CTNNA1: variants seen among roughly 807,000 people sequenced by gnomAD.
The protein encoded by CTNNA1 is catenin alpha 1.
CTNNA1 carries 37 observed loss-of-function variants against 98.4 expected under a neutral mutation model. That is an observed-to-expected ratio of 0.38 (90% CI 0.29 to 0.49). CTNNA1 has a LOEUF of 0.49. Among genes scored for constraint, CTNNA1 ranks in the 20% least tolerant of loss-of-function variants. The pLI is 0.95. For synonymous variants in CTNNA1, 404 were observed against 413.2 expected (o/e 0.98, Z 0.27); for missense variants, 761 against 1,147.2 (o/e 0.66, Z 4.86).
At chr5:138,771,638 T>C (rs2149607232) in intron 1 of CTNNA1, among the ~76,000 whole-genome samples, 1 of 152,246 alleles carries the variant, frequency 6.6e-6, no homozygotes, top group African/African-American at 2.4e-5. Flanking sequence ...CCTCCCACCT[T>C]GGCCTCCCAG....
chr5:138,769,025 T>C (rs980188343), intron 1 of CTNNA1, among the ~76,000 whole-genome samples: 7 of 152,094 alleles, frequency 4.6e-5, no homozygotes, highest in African/African-American at 1.7e-4. Flanking sequence ...ACCACAAGTT[T>C]TAGAGGCCAT....
intron 6 of CTNNA1, 102 bp from the exon 7 acceptor site, chr5:138,827,413 A>G (rs551440775): frequency 2.2e-6 from 3 of 1,336,992 alleles, no homozygotes; most frequent in Admixed American, 4.0e-5. Context: ...AGATGTTGGA[A>G]TTTTTGTGTT....
intron 16 of CTNNA1, chr5:138,932,117 A>C (rs769554969): frequency 1.4e-4 from 135 of 987,230 alleles, no homozygotes; most frequent in Non-Finnish European, 1.5e-4. Context: ...TTAATAACGC[A>C]AAGTGCCTCA....
At chr5:138,790,193 C>A (rs543945962) in intron 3 of CTNNA1, among the ~76,000 whole-genome samples, 1 of 152,262 alleles carries the variant, frequency 6.6e-6, no homozygotes, top group African/African-American at 2.4e-5. Context: ...AGAGAATTGG[C>A]CAGTTGTCAT....
rs12188426 is a variant in CTNNA1 at position 138,776,023 on chromosome 5, G to A, written c.-2-5900G>A. ...TTACAGGTGTGAGCCACCATGCCCG[G>A]CCTCTGGAAATGTTTCTTTTTTTTT... is the stretch of plus-strand genomic sequence containing the variant. On this transcript the variant is annotated intron_variant, in intron 1 of 17. Transcript: ENST00000302763. Among the ~76,000 whole-genome samples the A allele has an allele frequency of 9.2e-3, 1,349 of 146,630 alleles. 13 individuals are homozygous for A. Among genetic ancestry groups the A allele is most frequent in the Non-Finnish European group, 0.016 (1,053 of 67,108 alleles).
chr5:138,817,510 A>C (rs1413722911), intron 5 of CTNNA1, among the ~76,000 whole-genome samples: 1 of 152,060 alleles, frequency 6.6e-6, no homozygotes, highest in Non-Finnish European at 1.5e-5. Flanking sequence ...TAGGTTTTCT[A>C]TGCCTTTTCT....
chr5:138,924,377 C>A, intron 11 of CTNNA1, 133 bp from the exon 12 acceptor site: 1 of 770,080 alleles, frequency 1.3e-6, no homozygotes, highest in Non-Finnish European at 2.1e-6. Flanking sequence ...CTGGTCTCTC[C>A]AATGAAGTAT....
intron 7 of CTNNA1, among the ~76,000 whole-genome samples, chr5:138,835,128 T>C (rs1173704436): frequency 1.3e-5 from 2 of 152,080 alleles, no homozygotes; most frequent in African/African-American, 4.8e-5. Flanking sequence ...ATCGCAGTGG[T>C]GGAATGTCAT....
At chr5:138,790,762 T>TTCCCA (rs1668602759) in intron 3 of CTNNA1, among the ~76,000 whole-genome samples, 1 of 152,202 alleles carries the variant, frequency 6.6e-6, no homozygotes, top group Non-Finnish European at 1.5e-5. Context: ...AAGATTATGG[T>TTCCCA]AGTCTGGGAA....
At chr5:138,906,339 C>G (rs1759254600) in intron 10 of CTNNA1, among the ~76,000 whole-genome samples, 1 of 152,094 alleles carries the variant, frequency 6.6e-6, no homozygotes, top group Non-Finnish European at 1.5e-5. Flanking sequence ...CTTGGATGGC[C>G]AAGTTGTATG....
intron 9 of CTNNA1, among the ~76,000 whole-genome samples, chr5:138,895,455 G>C (rs1164597439): frequency 6.6e-6 from 1 of 151,788 alleles, no homozygotes; most frequent in Non-Finnish European, 1.5e-5. Context: ...GGAAAAATTT[G>C]GAGATTTTTT....
chr5:138,827,119 C>A (rs1490630392), intron 6 of CTNNA1, among the ~76,000 whole-genome samples: 2 of 152,152 alleles, frequency 1.3e-5, no homozygotes, highest in Admixed American at 6.5e-5. Context: ...TGCAACAGTT[C>A]TAAATATCAC....
At chr5:138,796,455 A>C (rs1430143521) in intron 3 of CTNNA1, among the ~76,000 whole-genome samples, 2 of 152,166 alleles carry the variant, frequency 1.3e-5, no homozygotes, top group African/African-American at 4.8e-5. Context: ...AAGGCAGGAG[A>C]ATGGCGTGAA....
intron 3 of CTNNA1, among the ~76,000 whole-genome samples, chr5:138,805,210 C>T (rs1215665133): frequency 5.9e-5 from 9 of 152,200 alleles, no homozygotes. Context: ...CCAGGCCCCA[C>T]CTCCAACATT....
At position 138,924,556 on chromosome 5, in the gene CTNNA1, A is replaced by G. The variant is rs200279871; in HGVS notation, c.1593A>G (p.Gln531=). 4.4e-5 allele frequency: 71 copies of G among 1,614,172 alleles called. No individual in the cohort carries two copies. The East Asian group carries it at 5.6e-4, about 13-fold the overall frequency. The change falls in exon 12 of 18, where the codon CAA becomes CAG. Residue 531 remains glutamine (Q), a synonymous_variant. Transcript: ENST00000302763. Reference sequence around the variant, plus strand: ...TGAACAAATGTGTCATTGCTCTCCAAGAGAAGGATGTGGATGGCCTGGACC... The same window carrying G: ...TGAACAAATGTGTCATTGCTCTCCAGGAGAAGGATGTGGATGGCCTGGACC... ...EDVNKCVIAL[Q]EKDVDGLDRT...
chr5:138,929,493 A>C lies in CTNNA1; in HGVS notation c.2010+137A>C, dbSNP rs1764855248. On this transcript the variant is annotated intron_variant, in intron 14 of 17. Transcript: ENST00000302763. Reference sequence around the variant, plus strand: ...GTCTCTCTGGCAGTAGACTGAAGTTAAACTAAGTTGTGGCACCTGCTAGTC... The same window carrying C: ...GTCTCTCTGGCAGTAGACTGAAGTTCAACTAAGTTGTGGCACCTGCTAGTC... The C allele has an allele frequency of 4.9e-6, 3 of 607,044 alleles. No individual in the cohort carries two copies. In the Admixed American group the frequency reaches 8.4e-5, roughly 17 times the overall value. 37.6% of individuals were successfully genotyped at this position (607,044 alleles called of 1,614,324 possible). A position where few individuals can be genotyped will look rare whatever the true frequency, so the allele number is the denominator to read the frequency against.
chr5:138,787,390 C>T (rs1442754868), intron 3 of CTNNA1, among the ~76,000 whole-genome samples: 1 of 152,060 alleles, frequency 6.6e-6, no homozygotes, highest in East Asian at 1.9e-4. Flanking sequence ...TGCACTCCAG[C>T]CTGGGTGACA....
intron 7 of CTNNA1, among the ~76,000 whole-genome samples, chr5:138,850,783 C>T (rs762288317): frequency 6.6e-6 from 1 of 152,096 alleles, no homozygotes; most frequent in Non-Finnish European, 1.5e-5. Context: ...TTTACTGAGG[C>T]TCTCTGGTTT....
At chr5:138,841,315 A>G (rs371755007) in intron 7 of CTNNA1, among the ~76,000 whole-genome samples, 2 of 152,242 alleles carry the variant, frequency 1.3e-5, no homozygotes, top group South Asian at 4.2e-4. Flanking sequence ...GCTGGAGTGC[A>G]ATGGTGTGAT....
Sources: allele counts gnomAD v4.1 joint callset (sites outside exome capture counted in the v4.1 genomes callset), GRCh38; gene constraint gnomAD v4.1.1; transcripts MANE v1.5; gene names NCBI Gene and HGNC (gene_info 2026-07-23, HGNC 2026-07-21).